The following PDE1A variants were observed in gnomAD, a reference collection of about 807,000 sequenced individuals.
PDE1A encodes the protein dual specificity calcium/calmodulin-dependent 3',5'-cyclic nucleotide phosphodiesterase 1A.
A neutral mutation model predicts 61.7 loss-of-function variants in PDE1A; 35 were observed. The observed-to-expected ratio is 0.57, with a 90% CI of 0.43 to 0.75. The LOEUF (loss-of-function observed/expected upper bound fraction) is 0.75. Among genes scored for constraint, PDE1A ranks in the 30% least tolerant of loss-of-function variants. The pLI, the probability that PDE1A is intolerant of heterozygous loss-of-function variation, is 0.00. For synonymous variants in PDE1A, 232 were observed against 213.2 expected, an observed-to-expected ratio of 1.09 and a Z score of -0.77; for missense variants, 597 against 630.6, an observed-to-expected ratio of 0.95 and a Z score of 0.57.
the PDE1A span, among the ~76,000 whole-genome samples, chr2:182,577,524 T>A: frequency 6.6e-6 from 1 of 152,324 alleles, no homozygotes; most frequent in South Asian, 2.1e-4. Context: ...CACACAAGAC[T>A]TCTGACAGAA....
intron 1 of PDE1A, among the ~76,000 whole-genome samples, chr2:182,364,440 T>G (rs1029444075): frequency 3.4e-5 from 4 of 116,344 alleles, no homozygotes; most frequent in African/African-American, 1.3e-4. Context: ...TTCACAGCAT[T>G]CTCAGACTAT....
At chr2:182,190,709 G>C (rs1685611272) in intron 10 of PDE1A, among the ~76,000 whole-genome samples, 1 of 152,120 alleles carries the variant, frequency 6.6e-6, no homozygotes, top group Non-Finnish European at 1.5e-5. Flanking sequence ...TGTAATCCCA[G>C]CACTTTGGGA....
chr2:182,186,608 AAG>A lies in PDE1A; in HGVS notation c.1208-22_1208-21del, dbSNP rs755897643. On this transcript the variant is annotated intron_variant, in intron 11 of 13. Coordinates refer to ENST00000351439, the Ensembl canonical transcript of PDE1A. ...TGAAACCTACAAAAGCCAAAATGAG[AAG>A]AGAGAGAGATAAATTCAAGTGTTAC... is the stretch of plus-strand genomic sequence containing the variant. 7 of 1,580,786 alleles carry A rather than the reference AAG, an allele frequency of 4.4e-6. No individual in the cohort carries two copies. The highest frequency in any genetic ancestry group is 6.0e-6 in the Non-Finnish European group (7 of 1,165,650).
chr2:182,290,050 T>C (rs902960877), intron 1 of PDE1A, among the ~76,000 whole-genome samples: 1 of 151,854 alleles, frequency 6.6e-6, no homozygotes, highest in Admixed American at 6.6e-5. Context: ...CATAGTAACA[T>C]GAAAAATATG....
chr2:182,440,437 G>A (rs1182188201), intron 2 of PDE1A, among the ~76,000 whole-genome samples: 1 of 152,040 alleles, frequency 6.6e-6, no homozygotes, highest in Non-Finnish European at 1.5e-5. Flanking sequence ...CTTAGTTATA[G>A]GCATGCCTTT....
the PDE1A span, among the ~76,000 whole-genome samples, chr2:182,600,975 G>A: frequency 9.8e-5 from 15 of 152,292 alleles, no homozygotes; most frequent in Admixed American, 4.6e-4. Context: ...AAAAGCCAAG[G>A]CTAGTCTGCT....
chr2:182,612,725 G>A, the PDE1A span, among the ~76,000 whole-genome samples: 1 of 152,142 alleles, frequency 6.6e-6, no homozygotes, highest in African/African-American at 2.4e-5. Context: ...GATATTTTCT[G>A]TTCCTATTTG....
At chr2:182,161,736 TACCAGCAGAA>T (rs1412102802) in intron 13 of PDE1A, among the ~76,000 whole-genome samples, 2 of 152,078 alleles carry the variant, frequency 1.3e-5, no homozygotes, top group Admixed American at 1.3e-4. Flanking sequence ...TTCTAACTGA[TACCAGCAGAA>T]ATCCAAGAAA....
At chr2:182,625,022 TTAGA>T in the PDE1A span, among the ~76,000 whole-genome samples, 1 of 151,964 alleles carries the variant, frequency 6.6e-6, no homozygotes, top group African/African-American at 2.4e-5. Flanking sequence ...TGGGAGGTGA[TTAGA>T]TAGATTTAGA....
the PDE1A span, among the ~76,000 whole-genome samples, chr2:182,577,142 G>C: frequency 6.6e-6 from 1 of 151,980 alleles, no homozygotes; most frequent in African/African-American, 2.4e-5. Context: ...ATTACTTTGA[G>C]AGATGTATAT....
intron 13 of PDE1A, among the ~76,000 whole-genome samples, chr2:182,173,713 G>A (rs1006128552): frequency 6.8e-6 from 1 of 146,936 alleles, no homozygotes; most frequent in African/African-American, 2.5e-5. Flanking sequence ...CTGATTATTT[G>A]TCCCTTTTGA....
chr2:182,606,634 A>C, the PDE1A span, among the ~76,000 whole-genome samples: 2 of 152,250 alleles, frequency 1.3e-5, no homozygotes, highest in Non-Finnish European at 2.9e-5. Context: ...GAAGACAGGA[A>C]ATAAACGAAT....
the PDE1A span, among the ~76,000 whole-genome samples, chr2:182,677,095 C>T: frequency 9.7e-4 from 147 of 152,214 alleles, 1 homozygote; most frequent in Admixed American, 2.4e-3. Flanking sequence ...ATAAAGGGTA[C>T]CCAAATAGGA....
chr2:182,641,522 C>G, the PDE1A span, among the ~76,000 whole-genome samples: 1 of 152,192 alleles, frequency 6.6e-6, no homozygotes, highest in South Asian at 2.1e-4. Flanking sequence ...GAGCAAACCA[C>G]TAATCCAAAT....
At chr2:182,265,343 T>A (rs1035872918) in intron 1 of PDE1A, among the ~76,000 whole-genome samples, 1 of 152,126 alleles carries the variant, frequency 6.6e-6, no homozygotes, top group African/African-American at 2.4e-5. Flanking sequence ...GACTGCTAGA[T>A]TCGCTATTAT....
rs187724657 is a variant in PDE1A, at chr2:182,254,140, T to A, written c.167+10161A>T. Among the ~76,000 whole-genome samples the A allele has an allele frequency of 3.9e-5, 6 of 152,320 alleles. No individual in the cohort carries two copies. The East Asian group carries it at 1.2e-3, about 29-fold the overall frequency. On this transcript the variant is annotated intron_variant, in intron 2 of 13. Coordinates refer to ENST00000351439, the Ensembl canonical transcript of PDE1A. ...TTTTTGTTAGTCATTTCTCAAAAGATCTGGTCAGGTTTTTTTCCCCCTTTT... is the reference window on the plus strand; with the variant it reads ...TTTTTGTTAGTCATTTCTCAAAAGAACTGGTCAGGTTTTTTTCCCCCTTTT...
intron 1 of PDE1A, among the ~76,000 whole-genome samples, chr2:182,327,607 C>T (rs1697130067): frequency 1.3e-5 from 2 of 152,116 alleles, no homozygotes; most frequent in African/African-American, 4.8e-5. Flanking sequence ...ATTTCATCAC[C>T]TCTAAATCTG....
chr2:182,386,318 G>A (rs1013444541), intron 1 of PDE1A, among the ~76,000 whole-genome samples: 2 of 151,824 alleles, frequency 1.3e-5, no homozygotes, highest in African/African-American at 2.4e-5. Flanking sequence ...CATCTGGGAT[G>A]TGAGGATCCC....
At chr2:182,419,399 G>A (rs186386510) in intron 1 of PDE1A, among the ~76,000 whole-genome samples, 121 of 147,596 alleles carry the variant, frequency 8.2e-4, no homozygotes, top group African/African-American at 2.5e-3. Flanking sequence ...GCAGTGGCAC[G>A]ATCTTGGCTC....
Sources: gnomAD v4.1 joint callset for allele counts (sites outside exome capture counted in the v4.1 genomes callset) on GRCh38, gnomAD v4.1.1 for gene constraint, MANE v1.5 for transcripts, NCBI Gene and HGNC (gene_info 2026-07-23, HGNC 2026-07-21) for gene names.